The following ABCA5 variants were observed in gnomAD, a reference collection of about 807,000 sequenced individuals.
ABCA5 encodes the protein ATP binding cassette subfamily A member 5, also known as cholesterol transporter ABCA5.
Under a neutral mutation model 206.0 loss-of-function variants are expected in ABCA5, and 163 were observed. The ratio of observed to expected loss-of-function variants is 0.79; its 90% CI spans 0.70 to 0.90. The LOEUF is 0.90. Among genes scored for constraint, ABCA5 ranks in the 40% least tolerant of loss-of-function variants. The pLI is 0.00. For missense variants in ABCA5, 1,859 were observed against 1,912.9 expected, an observed-to-expected ratio of 0.97 and a Z score of 0.53; for synonymous variants, 609 against 613.8, an observed-to-expected ratio of 0.99 and a Z score of 0.11.
intron 18 of ABCA5, among the ~76,000 whole-genome samples, chr17:69,281,905 G>T (rs2075397764): frequency 1.3e-5 from 2 of 152,172 alleles, no homozygotes; most frequent in Non-Finnish European, 2.9e-5. Context: ...TGCAAAATGT[G>T]TATTTGCAGC....
rs147123123 is a variant in ABCA5 at position 69,288,719 on chromosome 17, G to GAAGAAAGAAAGAAAGAAAGA, written c.1902+438_1902+457dup. ...CGTCTCTACAAATTAAAAAAAAAAAGAAGAAAGAAAGAAAGAAAGAAAGAA... is the reference window on the plus strand; with the variant it reads ...CGTCTCTACAAATTAAAAAAAAAAAGAAGAAAGAAAGAAAGAAAGAAAGAAAGAAAGAAAGAAAGAAAGAA... On this transcript the variant is annotated intron_variant, in intron 14 of 38. Coordinates refer to ENST00000392676, the MANE Select transcript of ABCA5 (RefSeq NM_172232.4). Among the ~76,000 whole-genome samples, 85 of 145,266 alleles carry GAAGAAAGAAAGAAAGAAAGA rather than the reference G, an allele frequency of 5.9e-4. 1 individual carries two copies. The highest frequency in any genetic ancestry group is 2.1e-3 in the African/African-American group (81 of 39,214).
chr17:69,288,379 A>G (rs2075484123), intron 14 of ABCA5, among the ~76,000 whole-genome samples: 1 of 152,202 alleles, frequency 6.6e-6, no homozygotes. Flanking sequence ...TAAAACAAAT[A>G]CATACAAAAT....
rs917935091 is a variant in ABCA5, at chr17:69,271,423, G to A, written c.2765-134C>T. The stretch of plus-strand genomic sequence containing the variant: ...ATACGCAAGTAAGTACATTGGCTCT[G>A]AAGCCAGTCAGCCTGGTTTTAAAGT... On this transcript the variant is annotated intron_variant, in intron 20 of 38. Coordinates refer to ENST00000392676, the MANE Select transcript of ABCA5 (RefSeq NM_172232.4). 6 of 967,066 alleles carry A rather than the reference G, an allele frequency of 6.2e-6. No homozygotes were observed. The African/African-American group carries it at 8.4e-5, about 14-fold the overall frequency. The allele number at this position is 967,066 out of a possible 1,614,324, so 59.9% of individuals were successfully genotyped here.
chr17:69,302,485 C>T (rs1189765799), intron 8 of ABCA5, among the ~76,000 whole-genome samples: 1 of 152,120 alleles, frequency 6.6e-6, no homozygotes, highest in Non-Finnish European at 1.5e-5. Context: ...CACTGAGATA[C>T]ACTGAAGTAA....
chr17:69,259,652 C>A, intron 28 of ABCA5, 54 bp downstream of exon 28: 1 of 1,222,418 alleles, frequency 8.2e-7, no homozygotes, highest in Non-Finnish European at 1.2e-6. Flanking sequence ...GTAATGGTTA[C>A]ACAGTTCTGT....
chr17:69,270,919 TAC>T (rs1158972155), intron 21 of ABCA5, among the ~76,000 whole-genome samples, 169 bp from the exon 22 acceptor site: 2 of 152,220 alleles, frequency 1.3e-5, no homozygotes, highest in Non-Finnish European at 2.9e-5. Context: ...GTTTGGAATG[TAC>T]AGATATTTTA....
intron 24 of ABCA5, 104 bp from the exon 25 acceptor site, chr17:69,261,852 A>C: frequency 2.1e-6 from 1 of 466,966 alleles, no homozygotes; most frequent in Non-Finnish European, 3.8e-6. Context: ...TATAATCCTA[A>C]ATAAATCATT....
chr17:69,290,056 T>C lies in ABCA5; in HGVS notation c.1607-19A>G. 1 of 1,466,106 alleles carries C rather than the reference T, an allele frequency of 6.8e-7. No homozygotes were observed. The highest frequency in any genetic ancestry group is 9.2e-7 in the Non-Finnish European group (1 of 1,085,724). The allele number at this position is 1,466,106 out of a possible 1,614,324, so 90.8% of individuals were successfully genotyped here. On this transcript the variant is annotated intron_variant, in intron 12 of 38. Coordinates refer to ENST00000392676, the MANE Select transcript of ABCA5 (RefSeq NM_172232.4). ...GCAAACCCTAAAAGCAAAATATATA[T>C]TTAAATGTACATTAATTATTTTATA...
intron 37 of ABCA5, 61 bp downstream of exon 37, chr17:69,249,844 T>C (rs1163778438): frequency 6.7e-7 from 1 of 1,486,696 alleles, no homozygotes; most frequent in Non-Finnish European, 9.1e-7. Flanking sequence ...AAAAAGATTG[T>C]GAAAGGGACT....
At chr17:69,298,083 G>A (rs950310663) in intron 9 of ABCA5, among the ~76,000 whole-genome samples, 2 of 152,120 alleles carry the variant, frequency 1.3e-5, no homozygotes, top group East Asian at 3.9e-4. Flanking sequence ...CTACCTGGGA[G>A]GCTGAGGCAA....
chr17:69,252,847 A>G (rs1045729792), intron 34 of ABCA5, among the ~76,000 whole-genome samples: 8 of 152,052 alleles, frequency 5.3e-5, no homozygotes, highest in African/African-American at 1.4e-4. Flanking sequence ...AAAAAAAAAA[A>G]AAAAAAAAGA....
chr17:69,313,157 T>C lies in ABCA5; in HGVS notation c.242A>G (p.Tyr81Cys), dbSNP rs148185360. 323 of 1,611,418 alleles carry C rather than the reference T, an allele frequency of 2.0e-4. 1 individual carries two copies. The highest frequency in any genetic ancestry group is 1.2e-4 in the Non-Finnish European group (141 of 1,178,208). Residue 81 changes from tyrosine (Y) to cysteine (C), a missense_variant, in exon 3 of 39, where the codon TAT becomes TGT. Physicochemically the swap from Tyr to Cys is radical, Grantham distance 194. Coordinates refer to ENST00000392676, the MANE Select transcript of ABCA5 (RefSeq NM_172232.4). ...KFTLSNLILG[Y>C]TPVTNITSSI... ...GCTTGTAATATTAGTCACTGGAGTA[T>C]ATCCAAGAATTAGATTAGAAAGAGT... is the stretch of plus-strand genomic sequence containing the variant.
intron 9 of ABCA5, among the ~76,000 whole-genome samples, chr17:69,298,046 T>A (rs1159748480): frequency 1.3e-5 from 2 of 151,876 alleles, no homozygotes; most frequent in Non-Finnish European, 2.9e-5. Context: ...ATTAGTCAGA[T>A]GCGGTGGTGC....
chr17:69,277,456 GT>G (rs2075345808), intron 19 of ABCA5, among the ~76,000 whole-genome samples, 184 bp downstream of exon 19: 1 of 152,152 alleles, frequency 6.6e-6, no homozygotes, highest in African/African-American at 2.4e-5. Flanking sequence ...TTTAAAAAGT[GT>G]AAGACAGGGT....
chr17:69,302,118 AT>A (rs544759014), intron 8 of ABCA5, among the ~76,000 whole-genome samples: 123 of 152,258 alleles, frequency 8.1e-4, no homozygotes, highest in African/African-American at 2.9e-3. Context: ...TAGTAATTAC[AT>A]TTTTTTCTTT....
At chr17:69,293,103 T>C (rs138519835) in intron 11 of ABCA5, among the ~76,000 whole-genome samples, 175 of 152,196 alleles carry the variant, frequency 1.1e-3, no homozygotes, top group Non-Finnish European at 2.1e-3. Flanking sequence ...TGGGAGAGGA[T>C]GTTTAGCAGT....
intron 26 of ABCA5, 28 bp from the exon 27 acceptor site, chr17:69,260,440 A>G: frequency 7.4e-7 from 1 of 1,356,738 alleles, no homozygotes; most frequent in Non-Finnish European, 1.0e-6. Flanking sequence ...GAAAATATAT[A>G]CGCTGCAATA....
In ABCA5 at chr17:69,255,728, C is replaced by T. The variant is rs1039712390; in HGVS notation, c.3976+5G>A. On this transcript the variant is annotated splice_donor_5th_base_variant and intron_variant, in intron 30 of 38. Transcript: ENST00000392676. ...AAGTTATGTAAGGAAAAATTAAATA[C>T]CAGCCTTTTTTCACACAGAAAGAGA... 15 of 1,580,912 alleles carry T rather than the reference C, an allele frequency of 9.5e-6. No homozygotes were observed. The highest frequency in any genetic ancestry group is 1.3e-5 in the Non-Finnish European group (15 of 1,171,068).
In ABCA5 at chr17:69,294,705, C is replaced by A; in HGVS notation, c.1445G>T (p.Gly482Val). Residue 482 changes from glycine (G) to valine (V), a missense_variant, in exon 11 of 39, where the codon GGT (glycine) becomes GTT (valine). Transcript: ENST00000392676. ...FVGKEAIRIS[G>V]IQKTYRKKGE... is the part of the protein sequence containing the mutation. ...CTTCTTTCTGTATGTCTTCTGAATA[C>A]CACTAATTCTGAAATATAAAGTTTT... 4 of 1,594,158 alleles carry A rather than the reference C, an allele frequency of 2.5e-6. No homozygotes were observed. Among genetic ancestry groups the A allele is most frequent in the Non-Finnish European group, 3.4e-6 (4 of 1,166,252 alleles).
Sources: gnomAD v4.1 joint callset for allele counts (sites outside exome capture counted in the v4.1 genomes callset) on GRCh38, gnomAD v4.1.1 for gene constraint, MANE v1.5 for transcripts, NCBI Gene and HGNC (gene_info 2026-07-23, HGNC 2026-07-21) for gene names.